Variants in LINGO1 observed in about 807,000 individuals in gnomAD.
LINGO1 encodes the protein leucine-rich repeat and immunoglobulin-like domain-containing nogo receptor-interacting protein 1.
A neutral mutation model predicts 37.3 loss-of-function variants in LINGO1; 11 were observed. The observed-to-expected ratio is 0.29, with a 90% CI of 0.19 to 0.49. The LOEUF (loss-of-function observed/expected upper bound fraction) is 0.49, where lower values mean the gene tolerates loss of function less well. Ranked by LOEUF, LINGO1 falls within the 20% of genes least tolerant of loss-of-function variation. LINGO1 has a pLI of 0.99. For missense variants in LINGO1, 585 were observed against 878.2 expected (o/e 0.67, Z 4.22); for synonymous variants, 387 against 403.0 (o/e 0.96, Z 0.48).
intron 1 of LINGO1, among the ~76,000 whole-genome samples, chr15:77,774,363 C>T (rs1181455581): frequency 1.3e-5 from 2 of 152,110 alleles, no homozygotes; most frequent in East Asian, 3.9e-4. Flanking sequence ...CCTATCTCCC[C>T]TCAAGCACCT....
chr15:77,788,029 C>A (rs538703977), upstream of LINGO1: 3 of 152,330 alleles, frequency 2.0e-5, no homozygotes, highest in Middle Eastern at 3.4e-3. Flanking sequence ...GCCACACAGA[C>A]CCCTGGAGCC....
chr15:77,745,799 G>T (rs1262774426), intron 1 of LINGO1, among the ~76,000 whole-genome samples: 1 of 152,168 alleles, frequency 6.6e-6, no homozygotes, highest in Non-Finnish European at 1.5e-5. Context: ...GGCAAACTTT[G>T]CCATATTCCG....
intron 2 of LINGO1, among the ~76,000 whole-genome samples, chr15:77,677,501 C>G (rs1451604408): frequency 6.6e-6 from 1 of 152,108 alleles, no homozygotes; most frequent in Non-Finnish European, 1.5e-5. Context: ...GTTTTGTTCA[C>G]GTGCACAGAT....
rs774346087 is a variant in LINGO1 at position 77,615,224 on chromosome 15, T to C, written c.683A>G (p.Asn228Ser). The C allele has an allele frequency of 2.5e-5, 41 of 1,613,472 alleles. No homozygotes were observed. Among genetic ancestry groups the C allele is most frequent in the East Asian group, 4.5e-5 (2 of 44,862 alleles). The change falls in exon 2 of 2, where the codon AAT becomes AGT. Residue 228 changes from asparagine to serine, a missense_variant. Physicochemically the swap from Asn to Ser is conservative, Grantham distance 46. Around this residue, in one of 4 missense-constraint regions of LINGO1, gnomAD observed 484 missense variants for 735.0 expected, o/e 0.66. Coordinates refer to ENST00000355300, the MANE Select transcript of LINGO1 (RefSeq NM_032808.7). Reference protein sequence around the residue: ...IVLRLRHLNINAIRDYSFKRL... With the variant: ...IVLRLRHLNISAIRDYSFKRL... ...CTTGAAGGAGTAGTCCCGGATGGCA[T>C]TGATGTTGAGGTGCCGGAGCCTCAG... is the stretch of plus-strand genomic sequence containing the variant.
intron 3 of LINGO1, among the ~76,000 whole-genome samples, chr15:77,647,642 G>T (rs1375156704): frequency 1.3e-5 from 2 of 152,184 alleles, no homozygotes; most frequent in African/African-American, 2.4e-5. Context: ...CAGAGCAGGG[G>T]CTGGGTCAAT....
intron 1 of LINGO1, among the ~76,000 whole-genome samples, chr15:77,747,995 C>G (rs893962537): frequency 6.6e-6 from 1 of 152,230 alleles, no homozygotes; most frequent in African/African-American, 2.4e-5. Flanking sequence ...GGGCGCACAG[C>G]TGGTGTGTAG....
chr15:77,673,413 G>T (rs561320420), intron 3 of LINGO1, among the ~76,000 whole-genome samples: 4 of 149,682 alleles, frequency 2.7e-5, no homozygotes, highest in African/African-American at 5.0e-5. Context: ...GCATTTCACC[G>T]CCCCAATCGC....
rs540771196 is a variant in LINGO1, at chr15:77,683,989, G to C, written c.-99+6731C>G. Among the ~76,000 whole-genome samples, 50 of 152,266 alleles carry C rather than the reference G, an allele frequency of 3.3e-4. 2 individuals are homozygous for C. In the South Asian group the frequency reaches 9.1e-3, roughly 28 times the overall value. The stretch of plus-strand genomic sequence containing the variant: ...CTTTTCCAGCCTTACCTTAAATCCA[G>C]ATGCTCCCAACTCCCTTACATGTCC... On this transcript the variant is annotated intron_variant, in intron 2 of 3. Coordinates refer to the LINGO1 transcript ENST00000559893.
intron 1 of LINGO1, among the ~76,000 whole-genome samples, chr15:77,804,679 C>T (rs1412980656): frequency 6.6e-6 from 1 of 152,234 alleles, no homozygotes; most frequent in East Asian, 1.9e-4. Flanking sequence ...GGCTGGAGGG[C>T]TGAGAGGTCT....
intron 1 of LINGO1, among the ~76,000 whole-genome samples, chr15:77,630,703 G>A (rs568201950): frequency 6.6e-6 from 1 of 152,246 alleles, no homozygotes; most frequent in South Asian, 2.1e-4. Flanking sequence ...CCTACCCAGG[G>A]GCTCACACTT....
chr15:77,619,773 T>C (rs980176947), intron 1 of LINGO1, among the ~76,000 whole-genome samples: 5 of 151,852 alleles, frequency 3.3e-5, no homozygotes, highest in Admixed American at 2.6e-4. Flanking sequence ...AAAAGCTGGG[T>C]CAGCCTTGCC....
intron 3 of LINGO1, among the ~76,000 whole-genome samples, chr15:77,661,363 G>A (rs1363401140): frequency 1.3e-5 from 2 of 152,218 alleles, no homozygotes; most frequent in African/African-American, 4.8e-5. Flanking sequence ...GGGACAAGCT[G>A]CCCCCAATGC....
intron 1 of LINGO1, among the ~76,000 whole-genome samples, chr15:77,809,256 G>A (rs1246048757): frequency 1.3e-5 from 2 of 152,190 alleles, no homozygotes; most frequent in Admixed American, 1.3e-4. Flanking sequence ...CAGCCCTACT[G>A]GACAAAGGCA....
chr15:77,629,687 G>T (rs909821844), intron 1 of LINGO1, among the ~76,000 whole-genome samples: 9 of 152,206 alleles, frequency 5.9e-5, no homozygotes, highest in African/African-American at 1.2e-4. Context: ...ACCTCCAAGG[G>T]TCTGTCCCAT....
At chr15:77,766,387 A>C (rs2076530864) in intron 1 of LINGO1, among the ~76,000 whole-genome samples, 2 of 152,182 alleles carry the variant, frequency 1.3e-5, no homozygotes, top group African/African-American at 2.4e-5. Flanking sequence ...AAAAAAAAAA[A>C]AACCTATCAT....
At chr15:77,795,358 T>C (rs2076864421) in intron 2 of LINGO1, among the ~76,000 whole-genome samples, 1 of 152,118 alleles carries the variant, frequency 6.6e-6, no homozygotes, top group Non-Finnish European at 1.5e-5. Context: ...GTCCTGCTCC[T>C]CGTGATAAAG....
At chr15:77,666,383 G>A (rs978341806) in intron 3 of LINGO1, among the ~76,000 whole-genome samples, 1 of 152,250 alleles carries the variant, frequency 6.6e-6, no homozygotes, top group East Asian at 1.9e-4. Context: ...ATGGGAGGGA[G>A]CCATGGGGCC....
intron 1 of LINGO1, among the ~76,000 whole-genome samples, chr15:77,798,030 G>A (rs1457598068): frequency 1.3e-5 from 2 of 152,168 alleles, no homozygotes; most frequent in African/African-American, 2.4e-5. Context: ...CCTGACAACA[G>A]AGCCACAAAG....
intron 1 of LINGO1, among the ~76,000 whole-genome samples, chr15:77,809,579 C>T (rs557006399): frequency 6.6e-6 from 1 of 152,248 alleles, no homozygotes; most frequent in Admixed American, 6.5e-5. Context: ...AAGCATGGTG[C>T]CCTCCCCCAA....
Sources: gnomAD v4.1 joint callset for allele counts (sites outside exome capture counted in the v4.1 genomes callset) on GRCh38, gnomAD v4.1.1 for gene constraint, gnomAD v4.1.1 regional missense constraint, MANE v1.5 for transcripts, NCBI Gene and HGNC (gene_info 2026-07-23, HGNC 2026-07-21) for gene names.